Variants in GSN observed in about 807,000 individuals in gnomAD.
GSN encodes actin-depolymerizing factor.
In GSN, 56 loss-of-function variants were observed where a neutral mutation model predicts 85.7. The ratio of observed to expected loss-of-function variants is 0.65; its 90% CI spans 0.53 to 0.82. The LOEUF (loss-of-function observed/expected upper bound fraction) is 0.82, where lower values mean the gene tolerates loss of function less well. Among genes scored for constraint, GSN ranks in the 40% least tolerant of loss-of-function variants. The probability of loss-of-function intolerance (pLI) is 0.00; values close to 1 mark genes in which losing one functional copy is unlikely to be tolerated. For synonymous variants in GSN, 373 were observed against 399.1 expected (o/e 0.93, Z 0.78); for missense variants, 857 against 979.8 (o/e 0.87, Z 1.67).
intron 6 of GSN, among the ~76,000 whole-genome samples, chr9:121,255,703 T>C (rs1210900112): frequency 6.6e-6 from 1 of 152,234 alleles, no homozygotes; most frequent in African/African-American, 2.4e-5. Context: ...TTATGATTTA[T>C]TTAAATAAAT....
chr9:121,312,606 C>A (rs2061295159), intron 6 of GSN, 118 bp downstream of exon 6: 2 of 768,030 alleles, frequency 2.6e-6, no homozygotes, highest in South Asian at 4.4e-5. Context: ...CTCTACCCCA[C>A]CTTTTTATTT....
chr9:121,290,244 C>CCG (rs766841560), intron 2 of GSN, among the ~76,000 whole-genome samples: 9 of 152,082 alleles, frequency 5.9e-5, no homozygotes, highest in Non-Finnish European at 1.3e-4. Flanking sequence ...CACCCGGGGA[C>CCG]AGAAGGCAGC....
chr9:121,287,406 C>T (rs974559528), intron 2 of GSN, among the ~76,000 whole-genome samples: 9 of 152,182 alleles, frequency 5.9e-5, no homozygotes, highest in African/African-American at 2.2e-4. Context: ...GGGCCCAGTC[C>T]TGGCTGAGCC....
chr9:121,331,986 T>C (rs1391386309), intron 17 of GSN: 2 of 226,474 alleles, frequency 8.8e-6, no homozygotes, highest in Non-Finnish European at 1.8e-5. Context: ...AGCCCAGGAG[T>C]TCACGGCTGC....
chr9:121,202,560 A>G, the GSN span, among the ~76,000 whole-genome samples: 1 of 152,186 alleles, frequency 6.6e-6, no homozygotes, highest in African/African-American at 2.4e-5. Flanking sequence ...ACCACCTGCC[A>G]TCTTCCAACT....
intron 4 of GSN, among the ~76,000 whole-genome samples, chr9:121,221,793 C>T (rs2054174812): frequency 6.6e-6 from 1 of 152,202 alleles, no homozygotes; most frequent in African/African-American, 2.4e-5. Flanking sequence ...CTGAGCTAGC[C>T]AGAGCTGAGG....
chr9:121,217,012 C>T (rs1311100635), intron 4 of GSN, among the ~76,000 whole-genome samples: 1 of 152,108 alleles, frequency 6.6e-6, no homozygotes, highest in Non-Finnish European at 1.5e-5. Flanking sequence ...TTTTGTCTTC[C>T]ACTTTATTTA....
At chr9:121,302,438 T>C (rs1055508165) in intron 3 of GSN, among the ~76,000 whole-genome samples, 2 of 152,152 alleles carry the variant, frequency 1.3e-5, no homozygotes, top group Admixed American at 6.5e-5. Flanking sequence ...ACAGGAATGT[T>C]GTGAGCGTTA....
chr9:121,318,377 C>T lies in GSN; in HGVS notation c.887-29C>T. ...TGCAGCAGGATCCCGGGCCTCTAAC[C>T]CTCCATCACTTCCTCTGGCTGCCAA... On this transcript the variant is annotated intron_variant, in intron 8 of 17. Transcript: ENST00000432226. This position sits in a 1 kb window ranked among gnomAD's most constrained non-coding sequence, Gnocchi z 4.3. 1 of 1,588,684 alleles carries T rather than the reference C, an allele frequency of 6.3e-7. No individual in the cohort carries two copies. The highest frequency in any genetic ancestry group is 1.1e-5 in the South Asian group (1 of 90,544).
chr9:121,261,907 C>T lies in GSN; in HGVS notation c.-340-3247C>T, dbSNP rs2055093929. On this transcript the variant is annotated intron_variant, in intron 6 of 24. Transcript: ENST00000373823. This position sits in a 1 kb window ranked among gnomAD's most constrained non-coding sequence, Gnocchi z 4.1. The stretch of plus-strand genomic sequence containing the variant: ...ACCAAGGCTCAGAGAGGTTGAGTAA[C>T]TCAGGGTGTCCTGTCCTTCAAGGCC... Among the ~76,000 whole-genome samples, 1 of 152,226 alleles carries T rather than the reference C, an allele frequency of 6.6e-6. No individual in the cohort carries two copies. The highest frequency in any genetic ancestry group is 1.5e-5 in the Non-Finnish European group (1 of 68,040).
intron 1 of GSN, among the ~76,000 whole-genome samples, chr9:121,271,066 T>C (rs1305218666): frequency 6.6e-6 from 1 of 152,162 alleles, no homozygotes; most frequent in East Asian, 1.9e-4. Flanking sequence ...GTTTGCATGA[T>C]AATAATAAAA....
At chr9:121,325,183 T>C (rs905763417) in intron 12 of GSN, among the ~76,000 whole-genome samples, 10 of 152,236 alleles carry the variant, frequency 6.6e-5, no homozygotes, top group African/African-American at 2.4e-4. Flanking sequence ...TTTAGAATCA[T>C]GCCTGCCATA....
chr9:121,288,195 TG>T (rs2058344740), intron 2 of GSN, among the ~76,000 whole-genome samples: 1 of 152,190 alleles, frequency 6.6e-6, no homozygotes, highest in Admixed American at 6.5e-5. Context: ...TCCAAAGTGC[TG>T]GGATTATAGG....
chr9:121,214,795 A>G (rs1057360155), intron 4 of GSN, among the ~76,000 whole-genome samples: 2 of 152,184 alleles, frequency 1.3e-5, no homozygotes, highest in Non-Finnish European at 2.9e-5. Flanking sequence ...TGTAGCATCT[A>G]TGCCTTAGAT....
chr9:121,257,139 TAAAA>T (rs902635503), intron 6 of GSN, among the ~76,000 whole-genome samples: 1 of 151,696 alleles, frequency 6.6e-6, no homozygotes, highest in Admixed American at 6.6e-5. Flanking sequence ...ATTTATCAAT[TAAAA>T]AAAAGAGTAA....
chr9:121,286,950 C>T (rs2058165643), intron 2 of GSN, among the ~76,000 whole-genome samples: 1 of 152,186 alleles, frequency 6.6e-6, no homozygotes, highest in Non-Finnish European at 1.5e-5. Context: ...TTATAAAGTA[C>T]TTATCATCAC....
At chr9:121,321,431 G>A (rs750357253) in intron 11 of GSN, 30 bp downstream of exon 11, 14 of 1,608,342 alleles carry the variant, frequency 8.7e-6, no homozygotes, top group East Asian at 2.2e-5. Context: ...GGTGTGTGTC[G>A]TGGGGGTACT....
chr9:121,205,407 A>C (rs2053866528), upstream of GSN, among the ~76,000 whole-genome samples: 1 of 152,182 alleles, frequency 6.6e-6, no homozygotes, highest in African/African-American at 2.4e-5. Context: ...TGGGACTGAC[A>C]ACTCCCTGGA....
intron 6 of GSN, among the ~76,000 whole-genome samples, chr9:121,251,056 G>T: frequency 6.6e-6 from 1 of 151,434 alleles, no homozygotes; most frequent in Non-Finnish European, 1.5e-5. Context: ...AAACTCCTGA[G>T]CTCTAGCTAT....
Sources: gnomAD v4.1 joint callset for allele counts (sites outside exome capture counted in the v4.1 genomes callset) on GRCh38, gnomAD v4.1.1 for gene constraint, Gnocchi (gnomAD v3.1) non-coding constraint, MANE v1.5 for transcripts, NCBI Gene and HGNC (gene_info 2026-07-23, HGNC 2026-07-21) for gene names.